TMTC1: variants seen among roughly 807,000 people sequenced by gnomAD.
TMTC1 encodes protein O-mannosyl-transferase TMTC1.
TMTC1 carries 73 observed loss-of-function variants against 104.8 expected under a neutral mutation model. The ratio of observed to expected loss-of-function variants is 0.70; its 90% CI spans 0.58 to 0.85. TMTC1 has a LOEUF of 0.85. TMTC1 is among the 40% of genes least tolerant of loss of function. The pLI is 0.00. For missense variants in TMTC1, 1,035 were observed against 1,096.1 expected (o/e 0.94, Z 0.79); for synonymous variants, 434 against 428.7 (o/e 1.01, Z -0.15).
chr12:29,783,156 C>T lies in TMTC1; in HGVS notation c.302+294G>A. On this transcript the variant is annotated intron_variant, in intron 1 of 17. Coordinates refer to ENST00000539277, the MANE Select transcript of TMTC1 (RefSeq NM_001193451.2). The surrounding 1 kb of genome is among the most constrained non-coding windows in gnomAD (Gnocchi z 4.7). ...GCGAAGGGGTGCGGAGGCGGTTTCA[C>T]CAGCCCGCTCCCAGCCCTGCCTCGA... 1 of 344,210 alleles carries T rather than the reference C, an allele frequency of 2.9e-6. No homozygotes were observed. Among genetic ancestry groups the T allele is most frequent in the Non-Finnish European group, 5.2e-6 (1 of 191,750 alleles). The allele number at this position is 344,210 out of a possible 1,614,324, so 21.3% of individuals were successfully genotyped here.
intron 2 of TMTC1, among the ~76,000 whole-genome samples, chr12:29,761,795 T>C (rs10771578): frequency 0.33 from 50,556 of 151,976 alleles, 10,349 homozygotes; most frequent in Admixed American, 0.52. Context: ...CCATCAACAA[T>C]TAATAGTAGG....
intron 5 of TMTC1, among the ~76,000 whole-genome samples, chr12:29,663,963 G>A (rs897849602): frequency 1.2e-4 from 18 of 151,964 alleles, no homozygotes; most frequent in South Asian, 6.2e-4. Context: ...ATGTAGCGGC[G>A]GATCACGAGG....
intron 6 of TMTC1, among the ~76,000 whole-genome samples, chr12:29,615,424 T>G (rs924255995): frequency 6.6e-6 from 1 of 152,188 alleles, no homozygotes; most frequent in Non-Finnish European, 1.5e-5. Flanking sequence ...TTTTAAATCA[T>G]GTTAAGCAGG....
Position 29,781,767 on chromosome 12 carries a change from G to C in TMTC1, c.302+1683C>G, listed in dbSNP as rs148131741. On this transcript the variant is annotated intron_variant, in intron 1 of 17. Coordinates refer to ENST00000539277, the MANE Select transcript of TMTC1 (RefSeq NM_001193451.2). ...AATTGCTTATGCCCAGAAGTTTCAG[G>C]CTACAGTGAGCAATAATCATGCCAC... is the stretch of plus-strand genomic sequence containing the variant. Among the ~76,000 whole-genome samples, 306 of 152,292 alleles carry C rather than the reference G, an allele frequency of 2.0e-3. 2 individuals carry two copies. The highest frequency in any genetic ancestry group is 3.5e-3 in the Non-Finnish European group (240 of 68,028).
At chr12:29,630,009 C>T (rs1346902003) in intron 6 of TMTC1, among the ~76,000 whole-genome samples, 1 of 152,072 alleles carries the variant, frequency 6.6e-6, no homozygotes, top group African/African-American at 2.4e-5. Context: ...AACAAATTCA[C>T]CCATTTTAAG....
At chr12:29,672,303 A>T (rs1029401590) in intron 5 of TMTC1, among the ~76,000 whole-genome samples, 1 of 152,150 alleles carries the variant, frequency 6.6e-6, no homozygotes, top group Non-Finnish European at 1.5e-5. Flanking sequence ...CATGTTTCCA[A>T]CTCTAATTTG....
At chr12:29,591,700 A>T (rs1463797862) in intron 7 of TMTC1, among the ~76,000 whole-genome samples, 2 of 152,236 alleles carry the variant, frequency 1.3e-5, no homozygotes, top group African/African-American at 4.8e-5. Flanking sequence ...GCACTTAAAT[A>T]ACTAAAAACA....
At chr12:29,586,564 C>CT (rs1331313818) in intron 7 of TMTC1, among the ~76,000 whole-genome samples, 1 of 151,942 alleles carries the variant, frequency 6.6e-6, no homozygotes, top group Admixed American at 6.6e-5. Context: ...ATGATATTGG[C>CT]GTGGGTTTGT....
At chr12:29,752,007 T>C in intron 4 of TMTC1, 135 bp from the exon 5 acceptor site, 1 of 802,478 alleles carries the variant, frequency 1.2e-6, no homozygotes. Flanking sequence ...AGCCCTTGTG[T>C]TTCTGATATT....
chr12:29,666,583 G>A (rs1263712894), intron 5 of TMTC1, among the ~76,000 whole-genome samples: 2 of 151,974 alleles, frequency 1.3e-5, no homozygotes, highest in Non-Finnish European at 2.9e-5. Flanking sequence ...GTAGATCAGG[G>A]TACAAAATAA....
chr12:29,528,477 A>G (rs1944409647), intron 11 of TMTC1, among the ~76,000 whole-genome samples: 1 of 152,180 alleles, frequency 6.6e-6, no homozygotes, highest in Non-Finnish European at 1.5e-5. Context: ...TGGAAATAAA[A>G]TGGGCCTTGG....
chr12:29,755,880 A>C lies in TMTC1; in HGVS notation c.560T>G (p.Leu187Arg), dbSNP rs143086566. Residue 187 changes from leucine to arginine, a missense_variant, in exon 4 of 18, where the codon CTG (leucine) becomes CGG (arginine). By Grantham distance (102) the Leu-to-Arg change is moderately radical. Coordinates refer to ENST00000539277, the MANE Select transcript of TMTC1 (RefSeq NM_001193451.2). ...LLAFLSYNRSLDQGCVGGSFP... is the reference protein window; with the variant it reads ...LLAFLSYNRSRDQGCVGGSFP... ...ACTTCCCCCAACACAGCCCTGATCC[A>C]GACTCCTGAAAAACAAGTTGGAGAT... The C allele has an allele frequency of 1.2e-5, 20 of 1,612,652 alleles. No homozygotes were observed. Among genetic ancestry groups the C allele is most frequent in the Non-Finnish European group, 1.5e-5 (18 of 1,179,678 alleles).
rs138819684 is a variant in TMTC1 at position 29,526,591 on chromosome 12, A to G, written c.1786-5871T>C. Among the ~76,000 whole-genome samples the G allele has an allele frequency of 1.6e-3, 241 of 152,292 alleles. 2 individuals are homozygous for G. In the East Asian group the frequency reaches 0.028, roughly 18 times the overall value. On this transcript the variant is annotated intron_variant, in intron 11 of 17. Coordinates refer to ENST00000539277, the MANE Select transcript of TMTC1 (RefSeq NM_001193451.2). ...GTTTTGGGAATTCTTAATCCAAATA[A>G]TGTGATCTTTAAGTTATCAGAAACC...
intron 5 of TMTC1, among the ~76,000 whole-genome samples, chr12:29,728,418 C>T (rs528036432): frequency 9.2e-5 from 14 of 152,284 alleles, no homozygotes; most frequent in African/African-American, 3.1e-4. Flanking sequence ...GCAAACTGCC[C>T]ACATGTGGGA....
chr12:29,543,504 T>C (rs1944859225), intron 10 of TMTC1, among the ~76,000 whole-genome samples: 1 of 152,212 alleles, frequency 6.6e-6, no homozygotes, highest in Admixed American at 6.5e-5. Flanking sequence ...AATTTCCCAT[T>C]AACCACAGTG....
chr12:29,586,550 C>G (rs2136340271), intron 7 of TMTC1, among the ~76,000 whole-genome samples: 1 of 152,196 alleles, frequency 6.6e-6, no homozygotes, highest in Non-Finnish European at 1.5e-5. Context: ...TTTGTCCATT[C>G]AGTATGATAT....
At chr12:29,704,609 G>A (rs1482723459) in intron 5 of TMTC1, among the ~76,000 whole-genome samples, 1 of 152,144 alleles carries the variant, frequency 6.6e-6, no homozygotes, top group Non-Finnish European at 1.5e-5. Flanking sequence ...CTAATACACT[G>A]AAATTTAATT....
chr12:29,743,262 T>A (rs113893308), intron 5 of TMTC1, among the ~76,000 whole-genome samples: 1 of 152,168 alleles, frequency 6.6e-6, no homozygotes, highest in African/African-American at 2.4e-5. Flanking sequence ...CAGGAGTCCA[T>A]GTTCTTTACT....
chr12:29,601,522 A>C (rs926520883), intron 7 of TMTC1, among the ~76,000 whole-genome samples: 3 of 152,218 alleles, frequency 2.0e-5, no homozygotes, highest in Non-Finnish European at 4.4e-5. Flanking sequence ...AGTTGAGCCG[A>C]AAGTCCATTA....
Sources: gnomAD v4.1 joint callset for allele counts (sites outside exome capture counted in the v4.1 genomes callset) on GRCh38, gnomAD v4.1.1 for gene constraint, Gnocchi (gnomAD v3.1) non-coding constraint, MANE v1.5 for transcripts, NCBI Gene and HGNC (gene_info 2026-07-23, HGNC 2026-07-21) for gene names.